The following EFCAB14 variants were observed in gnomAD, a reference collection of about 807,000 sequenced individuals.
EFCAB14 encodes EF-hand calcium binding domain 14.
A neutral mutation model predicts 56.5 loss-of-function variants in EFCAB14; 43 were observed. That is an observed-to-expected ratio of 0.76 (90% CI 0.60 to 0.98). The LOEUF (loss-of-function observed/expected upper bound fraction) is 0.98, where lower values mean the gene tolerates loss of function less well. Among genes scored for constraint, EFCAB14 ranks in the 50% least tolerant of loss-of-function variants. EFCAB14 has a pLI of 0.00. For missense variants in EFCAB14, 538 were observed against 580.3 expected (o/e 0.93, Z 0.75); for synonymous variants, 235 against 212.9 (o/e 1.10, Z -0.90).
At chr1:46,695,083 T>TG (rs1267717341) in intron 4 of EFCAB14, among the ~76,000 whole-genome samples, 1 of 82,728 alleles carries the variant, frequency 1.2e-5, no homozygotes, top group East Asian at 4.3e-4. Context: ...TGTTTTGGGG[T>TG]GGGGGGAGGG....
At chr1:46,697,438 A>C (rs762309975) in intron 3 of EFCAB14, among the ~76,000 whole-genome samples, 3 of 152,246 alleles carry the variant, frequency 2.0e-5, no homozygotes, top group Non-Finnish European at 4.4e-5. Flanking sequence ...CAGAGACAAT[A>C]TTCTAAAAGC....
intron 3 of EFCAB14, among the ~76,000 whole-genome samples, chr1:46,703,202 C>T (rs184785561): frequency 6.6e-6 from 1 of 152,108 alleles, no homozygotes; most frequent in African/African-American, 2.4e-5. Context: ...CTCTGCCTCC[C>T]GGGTTCAAGT....
In EFCAB14 at chr1:46,718,212, C is replaced by T; in HGVS notation, c.-125G>A. On this transcript the variant is annotated 5_prime_UTR_variant, in exon 1 of 11. Coordinates refer to ENST00000371933, the MANE Select transcript of EFCAB14 (RefSeq NM_014774.3). ...GAATCCTGGGCCAGAGCCCCCTGGT[C>T]ACTCCCACCTAGGGGTGGGACTGAC... 2.0e-6 allele frequency: 2 copies of T among 989,688 alleles called. No homozygotes were observed. Among genetic ancestry groups the T allele is most frequent in the Non-Finnish European group, 3.0e-6 (2 of 673,526 alleles). The allele number at this position is 989,688 out of a possible 1,614,324, so 61.3% of individuals were successfully genotyped here. A position where few individuals can be genotyped will look rare whatever the true frequency, so the allele number is the denominator to read the frequency against.
intron 6 of EFCAB14, among the ~76,000 whole-genome samples, chr1:46,689,160 T>C (rs975200047): frequency 4.6e-5 from 7 of 152,228 alleles, no homozygotes; most frequent in Non-Finnish European, 7.3e-5. Context: ...TCTTGCCTTT[T>C]CGTCTTTAGA....
At chr1:46,705,284 G>C (rs928102989) in intron 3 of EFCAB14, among the ~76,000 whole-genome samples, 1 of 152,196 alleles carries the variant, frequency 6.6e-6, no homozygotes, top group Non-Finnish European at 1.5e-5. Flanking sequence ...TCATAAGTCA[G>C]TCCCAGCATC....
chr1:46,704,229 G>C (rs1677202699), intron 3 of EFCAB14, among the ~76,000 whole-genome samples: 1 of 151,896 alleles, frequency 6.6e-6, no homozygotes, highest in African/African-American at 2.4e-5. Flanking sequence ...AAGGTGGGAG[G>C]ATCACTTGAT....
intron 2 of EFCAB14, among the ~76,000 whole-genome samples, chr1:46,709,889 G>A (rs539496226): frequency 3.9e-5 from 6 of 152,270 alleles, no homozygotes; most frequent in Non-Finnish European, 7.4e-5. Context: ...TCGGGAGGCT[G>A]AGGAAGGAGA....
chr1:46,718,069 G>C lies in EFCAB14; in HGVS notation c.19C>G (p.Leu7Val). The change falls in exon 1 of 11, where the codon CTC becomes GTC. Residue 7 changes from leucine to valine, a missense_variant. By Grantham distance (32) the Leu-to-Val change is conservative (BLOSUM62 1). Coordinates refer to ENST00000371933, the MANE Select transcript of EFCAB14 (RefSeq NM_014774.3). MKKRKE[L>V]NALIGLAGDS... ...CCAGCCAAACCAATCAATGCATTGA[G>C]CTCTTTGCGCTTTTTCATCTTTTTG... 1 of 1,614,026 alleles carries C rather than the reference G, an allele frequency of 6.2e-7. No homozygotes were observed. The highest frequency in any genetic ancestry group is 8.5e-7 in the Non-Finnish European group (1 of 1,179,984).
intron 4 of EFCAB14, 180 bp from the exon 5 acceptor site, chr1:46,692,117 G>C (rs754588163): frequency 1.9e-5 from 9 of 478,268 alleles, no homozygotes; most frequent in South Asian, 3.5e-5. Flanking sequence ...ATGACTCTCT[G>C]TAATCACTCC....
intron 8 of EFCAB14, among the ~76,000 whole-genome samples, chr1:46,685,454 T>C (rs1676865799): frequency 6.6e-6 from 1 of 152,236 alleles, no homozygotes; most frequent in Admixed American, 6.5e-5. Flanking sequence ...CCCCATCTTA[T>C]TTCTACTCTA....
chr1:46,691,294 G>A (rs999913418), intron 5 of EFCAB14, among the ~76,000 whole-genome samples: 1 of 152,178 alleles, frequency 6.6e-6, no homozygotes, highest in Non-Finnish European at 1.5e-5. Flanking sequence ...GGCTCAGCTG[G>A]GGGTTGAGGG....
At chr1:46,709,808 C>T (rs1677282469) in intron 2 of EFCAB14, among the ~76,000 whole-genome samples, 1 of 151,988 alleles carries the variant, frequency 6.6e-6, no homozygotes, top group Admixed American at 6.6e-5. Context: ...GTCAACATGG[C>T]AAAACCCTGT....
chr1:46,717,861 A>C, intron 1 of EFCAB14, 42 bp downstream of exon 1: 9 of 1,589,414 alleles, frequency 5.7e-6, no homozygotes, highest in Non-Finnish European at 7.7e-6. Context: ...TGGTAGTGCA[A>C]GGAGATGCCT....
intron 2 of EFCAB14, among the ~76,000 whole-genome samples, chr1:46,709,835 A>C (rs1161316265): frequency 6.6e-6 from 1 of 152,092 alleles, no homozygotes; most frequent in African/African-American, 2.4e-5. Context: ...TAAAAATACA[A>C]AAATTAGCCA....
intron 8 of EFCAB14, among the ~76,000 whole-genome samples, chr1:46,685,766 C>T (rs1340727291): frequency 6.6e-6 from 1 of 152,024 alleles, no homozygotes; most frequent in Non-Finnish European, 1.5e-5. Context: ...TAGAAACCAC[C>T]TATTAGTTTT....
At chr1:46,704,084 T>C (rs951224456) in intron 3 of EFCAB14, among the ~76,000 whole-genome samples, 9 of 152,142 alleles carry the variant, frequency 5.9e-5, no homozygotes, top group Non-Finnish European at 1.2e-4. Context: ...ACAATACTCA[T>C]TTGGACCTAT....
rs568816051 is a variant in EFCAB14, at chr1:46,698,746, T to C, written c.481-2097A>G. Among the ~76,000 whole-genome samples the C allele has an allele frequency of 1.1e-4, 16 of 152,214 alleles. No individual in the cohort carries two copies. The East Asian group carries it at 3.1e-3, about 29-fold the overall frequency. ...ATGTGAGAGAGACAGAGAGACAAAG[T>C]AGGTGGTGAGGCCAGTTGTGCAGTA... On this transcript the variant is annotated intron_variant, in intron 3 of 10. Coordinates refer to ENST00000371933, the MANE Select transcript of EFCAB14 (RefSeq NM_014774.3).
intron 3 of EFCAB14, among the ~76,000 whole-genome samples, chr1:46,704,945 A>C (rs1309456196): frequency 6.6e-6 from 1 of 152,084 alleles, no homozygotes; most frequent in Non-Finnish European, 1.5e-5. Context: ...TGTGATAAGA[A>C]CAGTTCTCGT....
chr1:46,706,268 T>G (rs751837836), intron 3 of EFCAB14, among the ~76,000 whole-genome samples: 1 of 152,212 alleles, frequency 6.6e-6, no homozygotes, highest in Non-Finnish European at 1.5e-5. Context: ...GACATTGAGA[T>G]TTACTGTATC....
Sources: allele counts gnomAD v4.1 joint callset (sites outside exome capture counted in the v4.1 genomes callset), GRCh38; gene constraint gnomAD v4.1.1; transcripts MANE v1.5; gene names NCBI Gene and HGNC (gene_info 2026-07-23, HGNC 2026-07-21).